The following CHST9 variants were observed in gnomAD, a reference collection of about 807,000 sequenced individuals.
CHST9 encodes GalNAc-4-sulfotransferase 2.
In CHST9, 41 loss-of-function variants were observed where a neutral mutation model predicts 44.4. That is an observed-to-expected ratio of 0.92 (90% CI 0.72 to 1.20). The LOEUF is 1.20. CHST9 is among the 50% of genes most tolerant of loss of function. The pLI, the probability that CHST9 is intolerant of heterozygous loss-of-function variation, is 0.00. For missense variants in CHST9, 504 were observed against 516.5 expected, an observed-to-expected ratio of 0.98 and a Z score of 0.23; for synonymous variants, 171 against 178.4, an observed-to-expected ratio of 0.96 and a Z score of 0.33.
intron 3 of CHST9, among the ~76,000 whole-genome samples, chr18:27,040,829 T>C (rs207476695): frequency 6.6e-6 from 1 of 152,168 alleles, no homozygotes; most frequent in East Asian, 1.9e-4. Flanking sequence ...GTTTCTTGGT[T>C]AGAAATAAGC....
intron 3 of CHST9, among the ~76,000 whole-genome samples, chr18:27,029,581 T>C (rs2057319310): frequency 6.6e-6 from 1 of 152,190 alleles, no homozygotes. Context: ...CCAAAATCTG[T>C]GAATACTCAA....
At chr18:26,930,006 T>G (rs1053618438) in intron 5 of CHST9, among the ~76,000 whole-genome samples, 15 of 152,188 alleles carry the variant, frequency 9.9e-5, no homozygotes, top group African/African-American at 3.4e-4. Flanking sequence ...AGGAATGCAC[T>G]CCATTCGTCT....
chr18:26,946,457 C>A (rs899067369), intron 4 of CHST9, among the ~76,000 whole-genome samples: 1 of 152,124 alleles, frequency 6.6e-6, no homozygotes, highest in Non-Finnish European at 1.5e-5. Flanking sequence ...AGAGGCTACA[C>A]AGATAGGCAG....
At chr18:26,953,938 T>C (rs2056285881) in intron 4 of CHST9, among the ~76,000 whole-genome samples, 1 of 152,146 alleles carries the variant, frequency 6.6e-6, no homozygotes, top group East Asian at 1.9e-4. Context: ...AGTCTTGAAA[T>C]GGGGCAAGGA....
intron 1 of CHST9, among the ~76,000 whole-genome samples, chr18:27,183,578 G>A (rs941805044): frequency 9.2e-5 from 14 of 152,092 alleles, no homozygotes; most frequent in Admixed American, 2.0e-4. Flanking sequence ...TTTTCTGGGG[G>A]CATTCAGTGT....
intron 2 of CHST9, among the ~76,000 whole-genome samples, chr18:27,094,007 T>C (rs2058093727): frequency 6.6e-6 from 1 of 152,148 alleles, no homozygotes; most frequent in South Asian, 2.1e-4. Flanking sequence ...TAAAAAACCA[T>C]ATAGTGGAGC....
intron 2 of CHST9, among the ~76,000 whole-genome samples, chr18:27,060,751 C>T (rs1236836928): frequency 6.6e-6 from 1 of 152,158 alleles, no homozygotes; most frequent in Non-Finnish European, 1.5e-5. Context: ...GTCCCCATCT[C>T]CCTTAGTTTA....
chr18:26,909,605 T>C lies in CHST9; in HGVS notation c.*6654A>G, dbSNP rs1165460765. 6.6e-6 allele frequency: 1 copy of C among 152,190 alleles called. No homozygotes were observed. Among genetic ancestry groups the C allele is most frequent in the Non-Finnish European group, 1.5e-5 (1 of 68,040 alleles). 9.4% of individuals were successfully genotyped at this position (152,190 alleles called of 1,614,324 possible). On this transcript the variant is annotated 3_prime_UTR_variant, in exon 6 of 6. Coordinates refer to ENST00000618847, the MANE Select transcript of CHST9 (RefSeq NM_031422.6). ...GCATTTTTATTTATTATATAGTACA[T>C]CCAAAAATCATTTTTCTAAACTTTG... is the stretch of plus-strand genomic sequence containing the variant.
intron 2 of CHST9, among the ~76,000 whole-genome samples, chr18:27,093,294 A>C (rs2058086803): frequency 6.6e-6 from 1 of 152,202 alleles, no homozygotes. Context: ...TCAGACAGGG[A>C]CATTTAAGTC....
chr18:27,164,956 G>A (rs1020552660), intron 1 of CHST9, among the ~76,000 whole-genome samples: 7 of 152,078 alleles, frequency 4.6e-5, no homozygotes, highest in South Asian at 2.1e-4. Flanking sequence ...TCTACCTCTC[G>A]GAAAGATACC....
At chr18:27,006,184 T>C (rs1040773489) in intron 4 of CHST9, among the ~76,000 whole-genome samples, 2 of 152,078 alleles carry the variant, frequency 1.3e-5, no homozygotes, top group African/African-American at 2.4e-5. Flanking sequence ...ATCAGAAAAA[T>C]AGATCTCAGT....
intron 4 of CHST9, among the ~76,000 whole-genome samples, chr18:26,969,963 C>T (rs2056520701): frequency 6.6e-6 from 1 of 152,144 alleles, no homozygotes; most frequent in Admixed American, 6.5e-5. Context: ...TCATCCAGAC[C>T]CTGAAATTTT....
chr18:26,924,656 G>C (rs1238694277), intron 5 of CHST9: 1 of 729,602 alleles, frequency 1.4e-6, no homozygotes, highest in African/African-American at 1.9e-5. Context: ...AATGATGGGA[G>C]AGGGTGGGGT....
chr18:26,923,686 A>T (rs2055705756), intron 5 of CHST9, among the ~76,000 whole-genome samples: 1 of 152,252 alleles, frequency 6.6e-6, no homozygotes, highest in African/African-American at 2.4e-5. Flanking sequence ...AATAAGGATG[A>T]GATAGATAAA....
At chr18:27,147,767 A>G (rs1444214514) in intron 1 of CHST9, 1 of 151,766 alleles carries the variant, frequency 6.6e-6, no homozygotes, top group Non-Finnish European at 1.5e-5. Context: ...TTTCTCAGTG[A>G]CACCTTCCTC....
At chr18:27,083,993 C>A (rs2057984706) in intron 2 of CHST9, among the ~76,000 whole-genome samples, 1 of 151,958 alleles carries the variant, frequency 6.6e-6, no homozygotes, top group Non-Finnish European at 1.5e-5. Flanking sequence ...ATAAAACCTA[C>A]TTGATTGTGG....
rs551145363 is a variant in CHST9 at position 27,104,902 on chromosome 18, C to T, written c.121+37787G>A. Among the ~76,000 whole-genome samples, 6 of 152,124 alleles carry T rather than the reference C, an allele frequency of 3.9e-5. No individual in the cohort carries two copies. In the South Asian group the frequency reaches 1.2e-3, roughly 32 times the overall value. ...GAGGAAGCAGGATGCCTCTTTAGTG[C>T]CTGGCTCATAGACGGCACTAAAGAC... On this transcript the variant is annotated intron_variant, in intron 2 of 5. Coordinates refer to ENST00000618847, the MANE Select transcript of CHST9 (RefSeq NM_031422.6).
chr18:27,120,168 A>T (rs1335436536), intron 2 of CHST9, among the ~76,000 whole-genome samples: 1 of 152,188 alleles, frequency 6.6e-6, no homozygotes, highest in Non-Finnish European at 1.5e-5. Context: ...TGCATTTTTC[A>T]ATATTGCTGG....
chr18:26,971,348 G>T (rs2056539943), intron 4 of CHST9, among the ~76,000 whole-genome samples: 1 of 152,188 alleles, frequency 6.6e-6, no homozygotes, highest in Non-Finnish European at 1.5e-5. Flanking sequence ...TCAGAATAAA[G>T]ACAGAGAAAT....
Sources: gnomAD v4.1 joint callset for allele counts (sites outside exome capture counted in the v4.1 genomes callset) on GRCh38, gnomAD v4.1.1 for gene constraint, MANE v1.5 for transcripts, NCBI Gene and HGNC (gene_info 2026-07-23, HGNC 2026-07-21) for gene names.